Variants in PTPRD observed in about 807,000 individuals in gnomAD.
PTPRD encodes the protein protein tyrosine phosphatase receptor type D.
PTPRD carries 34 observed loss-of-function variants against 214.5 expected under a neutral mutation model. The observed-to-expected ratio is 0.16, with a 90% confidence interval of 0.12 to 0.21. The LOEUF (loss-of-function observed/expected upper bound fraction) is 0.21. Ranked by LOEUF, PTPRD falls within the 10% of genes least tolerant of loss-of-function variation. PTPRD has a pLI of 1.00. For missense variants in PTPRD, 2,545 were observed against 2,398.7 expected (o/e 1.06, Z -1.27); for synonymous variants, 1,128 against 845.7 (o/e 1.33, Z -5.79).
chr9:9,046,470 A>C (rs2099672418), intron 10 of PTPRD, among the ~76,000 whole-genome samples: 1 of 152,026 alleles, frequency 6.6e-6, no homozygotes, highest in African/African-American at 2.4e-5. Flanking sequence ...TTCAGGATAT[A>C]TCTGGAAAGA....
intron 10 of PTPRD, among the ~76,000 whole-genome samples, chr9:9,052,812 GT>G (rs2099688882): frequency 6.6e-6 from 1 of 152,108 alleles, no homozygotes; most frequent in African/African-American, 2.4e-5. Flanking sequence ...TGAGGCACTT[GT>G]TTTTTTCATG....
intron 7 of PTPRD, among the ~76,000 whole-genome samples, chr9:9,651,930 G>A (rs1012401647): frequency 1.3e-5 from 2 of 149,006 alleles, no homozygotes; most frequent in African/African-American, 5.0e-5. Context: ...CGTCTCCTGG[G>A]TTCACACCAT....
chr9:10,461,767 C>G (rs113187461), intron 2 of PTPRD, among the ~76,000 whole-genome samples: 70 of 151,924 alleles, frequency 4.6e-4, no homozygotes, highest in African/African-American at 1.6e-3. Context: ...GGATTACAGG[C>G]GTGAGCCTCC....
intron 8 of PTPRD, among the ~76,000 whole-genome samples, chr9:9,566,399 T>C (rs1290549423): frequency 2.6e-5 from 4 of 152,094 alleles, no homozygotes; most frequent in African/African-American, 7.2e-5. Flanking sequence ...TAAGCAATGG[T>C]GTTGTGGTCA....
chr9:9,109,840 G>A (rs1470744329), intron 10 of PTPRD, among the ~76,000 whole-genome samples: 1 of 152,120 alleles, frequency 6.6e-6, no homozygotes, highest in Non-Finnish European at 1.5e-5. Flanking sequence ...TGGAGAGTCT[G>A]GGGATGTGCC....
intron 14 of PTPRD, among the ~76,000 whole-genome samples, chr9:8,590,934 A>G (rs942287913): frequency 2.0e-5 from 3 of 152,200 alleles, no homozygotes; most frequent in African/African-American, 4.8e-5. Context: ...AGGTGTCAGC[A>G]GGACTGATGT....
Position 10,164,271 on chromosome 9 carries a change from G to C in PTPRD, c.-544-130481C>G, listed in dbSNP as rs577904037. 1.4e-4 allele frequency among the ~76,000 whole-genome samples: 21 copies of C among 151,528 alleles called. No homozygotes were observed. The South Asian group carries it at 4.1e-3, about 30-fold the overall frequency. On this transcript the variant is annotated intron_variant, in intron 3 of 45. Coordinates refer to ENST00000381196, the MANE Select transcript of PTPRD (RefSeq NM_002839.4). ...GCACTCAAGTTAAATGGCTTCTAGA[G>C]GGCCATAAGATTACACACTTTCAAA...
chr9:9,302,728 T>G (rs944356856), intron 9 of PTPRD, among the ~76,000 whole-genome samples: 2 of 151,406 alleles, frequency 1.3e-5, no homozygotes, highest in African/African-American at 4.8e-5. Flanking sequence ...TGATATTACC[T>G]TTTTCCTTTG....
At chr9:10,357,175 C>G (rs765037923) in intron 2 of PTPRD, among the ~76,000 whole-genome samples, 5 of 152,056 alleles carry the variant, frequency 3.3e-5, no homozygotes, top group Non-Finnish European at 5.9e-5. Flanking sequence ...ATCTATTTCT[C>G]CTAGACCCCC....
intron 4 of PTPRD, among the ~76,000 whole-genome samples, chr9:9,973,782 T>G (rs1378461117): frequency 6.6e-6 from 1 of 152,078 alleles, no homozygotes; most frequent in Non-Finnish European, 1.5e-5. Context: ...GAGTCTTTTT[T>G]TTTCATTTAT....
intron 5 of PTPRD, among the ~76,000 whole-genome samples, chr9:9,937,929 AAGGTAC>A (rs1204179770): frequency 2.0e-5 from 3 of 152,156 alleles, no homozygotes; most frequent in African/African-American, 7.2e-5. Context: ...TGGATTTCTG[AAGGTAC>A]AGACTCAGAG....
intron 10 of PTPRD, among the ~76,000 whole-genome samples, chr9:9,024,846 A>C (rs2154372300): frequency 6.6e-6 from 1 of 152,060 alleles, no homozygotes; most frequent in African/African-American, 2.4e-5. Context: ...AAAGACCAAT[A>C]ATGAGTTTAA....
intron 5 of PTPRD, among the ~76,000 whole-genome samples, chr9:9,793,441 G>A (rs370004406): frequency 6.6e-6 from 1 of 152,010 alleles, no homozygotes; most frequent in African/African-American, 2.4e-5. Flanking sequence ...GTATTAAAAT[G>A]CCCACACATA....
At chr9:9,193,059 C>T (rs2131914448) in intron 9 of PTPRD, among the ~76,000 whole-genome samples, 1 of 152,214 alleles carries the variant, frequency 6.6e-6, no homozygotes, top group South Asian at 2.1e-4. Context: ...TTTTGCTTGT[C>T]TATTTAAAGG....
intron 8 of PTPRD, among the ~76,000 whole-genome samples, chr9:9,443,094 G>C (rs1324891403): frequency 3.3e-5 from 5 of 151,970 alleles, no homozygotes; most frequent in Admixed American, 2.0e-4. Context: ...CATCACAGAA[G>C]AAAATTGAAC....
intron 12 of PTPRD, among the ~76,000 whole-genome samples, chr9:8,708,679 CAAAAAAAAA>C (rs765081509): frequency 1.0e-3 from 40 of 39,412 alleles, no homozygotes; most frequent in South Asian, 2.9e-3. Flanking sequence ...GACTCTGTCT[CAAAAAAAAA>C]AAAAAAAAAA....
intron 7 of PTPRD, among the ~76,000 whole-genome samples, chr9:9,717,283 G>A (rs1352746337): frequency 1.3e-5 from 2 of 152,178 alleles, no homozygotes; most frequent in East Asian, 1.9e-4. Context: ...GTCAGGTAGC[G>A]TGATGCCTCC....
chr9:8,328,456 C>T (rs1408759223), intron 44 of PTPRD, among the ~76,000 whole-genome samples: 1 of 152,178 alleles, frequency 6.6e-6, no homozygotes, highest in East Asian at 1.9e-4. Flanking sequence ...AACATTTTTT[C>T]CTTCGTTTCA....
chr9:8,331,313 C>A (rs1311990858), intron 44 of PTPRD, among the ~76,000 whole-genome samples: 1 of 152,006 alleles, frequency 6.6e-6, no homozygotes, highest in African/African-American at 2.4e-5. Context: ...ACCAACAATT[C>A]CCATTAAGGT....
Sources: allele counts gnomAD v4.1 joint callset (sites outside exome capture counted in the v4.1 genomes callset), GRCh38; gene constraint gnomAD v4.1.1; transcripts MANE v1.5; gene names NCBI Gene and HGNC (gene_info 2026-07-23, HGNC 2026-07-21).